The following SNX31 variants were observed in gnomAD, a reference collection of about 807,000 sequenced individuals.
SNX31 encodes the protein sorting nexin-31.
In SNX31, 58 loss-of-function variants were observed where a neutral mutation model predicts 65.4. That is an observed-to-expected ratio of 0.89 (90% CI 0.72 to 1.10). The LOEUF is 1.10. SNX31 is among the 50% of genes least tolerant of loss of function. SNX31 has a pLI of 0.00. For synonymous variants in SNX31, 181 were observed against 190.1 expected (o/e 0.95, Z 0.39); for missense variants, 523 against 529.7 (o/e 0.99, Z 0.12).
At chr8:100,651,594 A>G (rs2131310262), upstream of SNX31, among the ~76,000 whole-genome samples, 1 of 152,328 alleles carries the variant, frequency 6.6e-6, no homozygotes, top group Admixed American at 6.5e-5. Flanking sequence ...GTCAGCTCTT[A>G]TTCAGTCATT....
Position 100,626,213 on chromosome 8 carries a change from G to T in SNX31, c.321+4114C>A, listed in dbSNP as rs1027800464. 2.0e-5 allele frequency among the ~76,000 whole-genome samples: 3 copies of T among 152,138 alleles called. No homozygotes were observed. Among genetic ancestry groups the T allele is most frequent in the Non-Finnish European group, 4.4e-5 (3 of 68,022 alleles). Reference sequence around the variant, plus strand: ...ATTGTGCCGGATGATATGCTTTAAGGGTATCAGTTAATTTAATCCTCAAAG... The same window carrying T: ...ATTGTGCCGGATGATATGCTTTAAGTGTATCAGTTAATTTAATCCTCAAAG... On this transcript the variant is annotated intron_variant, in intron 4 of 13. Transcript: ENST00000311812. This position sits in a 1 kb window ranked among gnomAD's most constrained non-coding sequence, Gnocchi z 4.4.
At chr8:100,649,940 T>C (rs931437406), upstream of SNX31, among the ~76,000 whole-genome samples, 3 of 152,266 alleles carry the variant, frequency 2.0e-5, no homozygotes, top group African/African-American at 7.2e-5. Flanking sequence ...TTAGCAGAGT[T>C]ATGTTTGGTC....
chr8:100,580,672 C>T (rs546094141), intron 12 of SNX31, among the ~76,000 whole-genome samples: 84 of 152,106 alleles, frequency 5.5e-4, no homozygotes, highest in Non-Finnish European at 1.0e-3. Flanking sequence ...GAGGTGAAAG[C>T]CACATACAGA....
chr8:100,585,391 T>C (rs188788977), intron 11 of SNX31, among the ~76,000 whole-genome samples: 1 of 151,560 alleles, frequency 6.6e-6, no homozygotes, highest in African/African-American at 2.4e-5. Context: ...GAGGGGAGGA[T>C]GGAGAGGAGA....
chr8:100,641,613 C>T (rs61686279), intron 2 of SNX31, among the ~76,000 whole-genome samples: 35,623 of 68,564 alleles, frequency 0.52, 9,670 homozygotes, highest in African/African-American at 0.65. Flanking sequence ...CACACACACA[C>T]GCACACACGC....
chr8:100,658,785 C>T (rs569759581), intron 1 of SNX31, among the ~76,000 whole-genome samples: 11 of 152,224 alleles, frequency 7.2e-5, no homozygotes, highest in East Asian at 1.9e-4. Flanking sequence ...GAGATGCTTC[C>T]GGGATCACCA....
intron 10 of SNX31, among the ~76,000 whole-genome samples, chr8:100,589,659 G>A (rs1016202009): frequency 6.6e-6 from 1 of 152,174 alleles, no homozygotes; most frequent in African/African-American, 2.4e-5. Flanking sequence ...AGGCATGTTG[G>A]AGACACTACA....
intron 12 of SNX31, among the ~76,000 whole-genome samples, chr8:100,581,215 C>A (rs925615410): frequency 1.3e-5 from 2 of 151,540 alleles, no homozygotes; most frequent in Admixed American, 6.6e-5. Context: ...AGGAGGATCA[C>A]CTCAGTCTGG....
chr8:100,640,265 T>A (rs1266829161), intron 2 of SNX31, among the ~76,000 whole-genome samples: 1 of 152,188 alleles, frequency 6.6e-6, no homozygotes, highest in African/African-American at 2.4e-5. Context: ...TAGCTGGGAT[T>A]ACAGGCATGT....
At chr8:100,603,604 T>C (rs1815854266) in intron 8 of SNX31, among the ~76,000 whole-genome samples, 1 of 151,558 alleles carries the variant, frequency 6.6e-6, no homozygotes, top group Non-Finnish European at 1.5e-5. Flanking sequence ...CCCGGCTAAT[T>C]TTTTGTCTTT....
At chr8:100,620,667 T>A (rs979325049) in intron 4 of SNX31, among the ~76,000 whole-genome samples, 4 of 152,246 alleles carry the variant, frequency 2.6e-5, no homozygotes, top group African/African-American at 9.6e-5. Context: ...ACAACTATTT[T>A]ATTAGATTGT....
intron 11 of SNX31, among the ~76,000 whole-genome samples, chr8:100,585,930 T>G (rs925966470): frequency 2.0e-5 from 3 of 152,220 alleles, no homozygotes; most frequent in African/African-American, 7.2e-5. Context: ...AGTTGTTGTT[T>G]TTTTTTCTGA....
At chr8:100,592,515 T>A (rs1176695069) in intron 10 of SNX31, among the ~76,000 whole-genome samples, 1 of 152,204 alleles carries the variant, frequency 6.6e-6, no homozygotes, top group African/African-American at 2.4e-5. Context: ...AACCCTCCAC[T>A]GCTGCTGGGG....
rs73272396 is a variant in SNX31 at position 100,604,681 on chromosome 8, T to C, written c.681+3813A>G. Among the ~76,000 whole-genome samples the C allele has an allele frequency of 0.093, 14,230 of 152,280 alleles. 2,107 individuals carry two copies. Among genetic ancestry groups the C allele is most frequent in the African/African-American group, 0.31 (12,997 of 41,506 alleles). On this transcript the variant is annotated intron_variant, in intron 8 of 13. Transcript: ENST00000311812. The surrounding 1 kb of genome is among the most constrained non-coding windows in gnomAD (Gnocchi z 4.3). ...TCAAAATGTATACTTACTTATAGTT[T>C]TAAATGCAATCTCTCATTTTTAAAC... is the stretch of plus-strand genomic sequence containing the variant.
In SNX31 at chr8:100,588,829, G is replaced by C; in HGVS notation, c.1092+37C>G. Reference sequence around the variant, plus strand: ...CCCCAGCAAGCAAGACAGCATTTCAGCACAGAGGGTGTTCAAGGTCTGCCC... The same window carrying C: ...CCCCAGCAAGCAAGACAGCATTTCACCACAGAGGGTGTTCAAGGTCTGCCC... On this transcript the variant is annotated intron_variant, in intron 11 of 13. Coordinates refer to ENST00000311812, the MANE Select transcript of SNX31 (RefSeq NM_152628.4). This position sits in a 1 kb window ranked among gnomAD's most constrained non-coding sequence, Gnocchi z 4.8. 2.0e-6 allele frequency: 3 copies of C among 1,477,432 alleles called. No individual in the cohort carries two copies. Among genetic ancestry groups the C allele is most frequent in the Non-Finnish European group, 2.8e-6 (3 of 1,057,398 alleles). The allele number at this position is 1,477,432 out of a possible 1,614,324, so 91.5% of individuals were successfully genotyped here.
chr8:100,593,849 GA>G (rs1307970117), intron 10 of SNX31, among the ~76,000 whole-genome samples: 1 of 151,278 alleles, frequency 6.6e-6, no homozygotes, highest in African/African-American at 2.4e-5. Flanking sequence ...AAACTTTTAG[GA>G]AAAAAAATAG....
At position 100,612,149 on chromosome 8, in the gene SNX31, G is replaced by T; in HGVS notation, c.524-62C>A. Reference sequence around the variant, plus strand: ...CAGCACAGACAGCTTATATATAGCAGCTTTCAAATGAGAAAATAAAACCTT... The same window carrying T: ...CAGCACAGACAGCTTATATATAGCATCTTTCAAATGAGAAAATAAAACCTT... On this transcript the variant is annotated intron_variant, in intron 6 of 13. Transcript: ENST00000311812. This position sits in a 1 kb window ranked among gnomAD's most constrained non-coding sequence, Gnocchi z 4.3. 1.0e-6 allele frequency: 1 copy of T among 986,722 alleles called. No individual in the cohort carries two copies. 61.1% of individuals were successfully genotyped at this position (986,722 alleles called of 1,614,324 possible).
intron 12 of SNX31, 104 bp downstream of exon 12, chr8:100,584,007 C>A (rs1300922405): frequency 3.0e-6 from 3 of 993,948 alleles, no homozygotes; most frequent in Non-Finnish European, 4.5e-6. Flanking sequence ...CCCTTTAGGA[C>A]TAGACCTGCT....
Position 100,588,637 on chromosome 8 carries a change from C to T in SNX31, c.1092+229G>A, listed in dbSNP as rs1814275370. On this transcript the variant is annotated intron_variant, in intron 11 of 13. Coordinates refer to ENST00000311812, the MANE Select transcript of SNX31 (RefSeq NM_152628.4). This position sits in a 1 kb window ranked among gnomAD's most constrained non-coding sequence, Gnocchi z 4.8. Reference sequence around the variant, plus strand: ...TCTAAGCCACTGTTGGTTGAATCTTCTATTAATTGGTAACTAAATTCATTT... The same window carrying T: ...TCTAAGCCACTGTTGGTTGAATCTTTTATTAATTGGTAACTAAATTCATTT... Among the ~76,000 whole-genome samples the T allele has an allele frequency of 6.6e-6, 1 of 152,176 alleles. No homozygotes were observed. The highest frequency in any genetic ancestry group is 1.5e-5 in the Non-Finnish European group (1 of 68,024).
Sources: allele counts gnomAD v4.1 joint callset (sites outside exome capture counted in the v4.1 genomes callset), GRCh38; gene constraint gnomAD v4.1.1; non-coding constraint Gnocchi (gnomAD v3.1); transcripts MANE v1.5; gene names NCBI Gene and HGNC (gene_info 2026-07-23, HGNC 2026-07-21).